Variants in HELQ observed in about 807,000 individuals in gnomAD.
HELQ encodes helicase, POLQ like, also known as helicase POLQ-like.
HELQ carries 77 observed loss-of-function variants against 111.6 expected under a neutral mutation model. The observed-to-expected ratio is 0.69, with a 90% CI of 0.57 to 0.83. The LOEUF is 0.83. Ranked by LOEUF, HELQ falls within the 40% of genes least tolerant of loss-of-function variation. The pLI is 0.00. For missense variants in HELQ, 1,200 were observed against 1,288.5 expected (o/e 0.93, Z 1.05); for synonymous variants, 438 against 454.7 (o/e 0.96, Z 0.47).
rs1046715029 is a variant in HELQ, at chr4:83,446,768, C to T, written c.1392+67G>A. 5 of 986,014 alleles carry T rather than the reference C, an allele frequency of 5.1e-6. No individual in the cohort carries two copies. The African/African-American group carries it at 8.3e-5, about 16-fold the overall frequency. The allele number at this position is 986,014 out of a possible 1,614,324, so 61.1% of individuals were successfully genotyped here. On this transcript the variant is annotated intron_variant, in intron 4 of 17. Coordinates refer to ENST00000295488, the MANE Select transcript of HELQ (RefSeq NM_133636.5). ...TACTAAGGTACTAAGTAGATCCACA[C>T]AATAACCAGAATAATAAATATTTAG...
In HELQ at chr4:83,444,516, G is replaced by A. The variant is rs142696490; in HGVS notation, c.1466-902C>T. ...CTTGCCCCAACCTCCCGAGTAGTTGGGACTATAGTTTTTGTTGATGTTGTT... is the reference window on the plus strand; with the variant it reads ...CTTGCCCCAACCTCCCGAGTAGTTGAGACTATAGTTTTTGTTGATGTTGTT... On this transcript the variant is annotated intron_variant, in intron 5 of 17. Transcript: ENST00000295488. Among the ~76,000 whole-genome samples the A allele has an allele frequency of 7.8e-3, 1,188 of 152,166 alleles. 4 individuals carry two copies. Among genetic ancestry groups the A allele is most frequent in the Middle Eastern group, 0.024 (7 of 294 alleles).
chr4:83,437,224 T>C (rs1405483200), intron 8 of HELQ, 127 bp from the exon 9 acceptor site: 4 of 868,458 alleles, frequency 4.6e-6, no homozygotes, highest in African/African-American at 3.4e-5. Context: ...GTTAAGTACA[T>C]TAAATGTTCT....
At chr4:83,433,437 G>C (rs973595504) in intron 9 of HELQ, among the ~76,000 whole-genome samples, 5 of 152,098 alleles carry the variant, frequency 3.3e-5, no homozygotes, top group African/African-American at 1.2e-4. Context: ...AGAGGCTGAG[G>C]GGGGCGGATC....
rs372656645 is a variant in HELQ at position 83,442,479 on chromosome 4, C to T, written c.1563+1038G>A. On this transcript the variant is annotated intron_variant, in intron 6 of 17. Transcript: ENST00000295488. Reference sequence around the variant, plus strand: ...AGGCTGGAGTGCAGTGGCGCAATCTCGGCTTGCTGCAACCTTCGCCCCACT... The same window carrying T: ...AGGCTGGAGTGCAGTGGCGCAATCTTGGCTTGCTGCAACCTTCGCCCCACT... Among the ~76,000 whole-genome samples the T allele has an allele frequency of 1.4e-4, 21 of 149,764 alleles. 1 individual carries two copies. Among genetic ancestry groups the T allele is most frequent in the Admixed American group, 8.6e-4 (13 of 15,180 alleles).
At chr4:83,435,211 T>C (rs1720384533) in intron 9 of HELQ, among the ~76,000 whole-genome samples, 1 of 152,168 alleles carries the variant, frequency 6.6e-6, no homozygotes, top group Non-Finnish European at 1.5e-5. Context: ...AGAGTTATTG[T>C]GAAGCTGTAT....
intron 17 of HELQ, among the ~76,000 whole-genome samples, chr4:83,413,791 G>A (rs1739225260): frequency 6.6e-6 from 1 of 152,208 alleles, no homozygotes; most frequent in African/African-American, 2.4e-5. Flanking sequence ...AAGCCACATG[G>A]AAAGGCCATA....
intron 2 of HELQ, among the ~76,000 whole-genome samples, chr4:83,451,319 C>T (rs1226385548): frequency 6.6e-6 from 1 of 151,984 alleles, no homozygotes; most frequent in Non-Finnish European, 1.5e-5. Flanking sequence ...TGACAATCCC[C>T]AGCAGTTGAG....
chr4:83,444,621 C>T (rs1409955084), intron 5 of HELQ, among the ~76,000 whole-genome samples: 1 of 152,162 alleles, frequency 6.6e-6, no homozygotes, highest in Non-Finnish European at 1.5e-5. Context: ...ATAGACTTAA[C>T]TATTGAATGA....
At chr4:83,409,132 T>C (rs900004364) in intron 17 of HELQ, among the ~76,000 whole-genome samples, 2 of 152,024 alleles carry the variant, frequency 1.3e-5, no homozygotes, top group African/African-American at 4.8e-5. Flanking sequence ...TAAAGAAAAA[T>C]ACTTTGCTAC....
rs769414643 is a variant in HELQ, at chr4:83,453,625, C to A, written c.618G>T (p.Leu206Phe). 2 of 1,613,070 alleles carry A rather than the reference C, an allele frequency of 1.2e-6. No individual in the cohort carries two copies. Among genetic ancestry groups the A allele is most frequent in the South Asian group, 2.2e-5 (2 of 91,064 alleles). The stretch of plus-strand genomic sequence containing the variant: ...CACCCAAATCATTTGAAGAGTTCTG[C>A]AAATTTTCAAAGTATATAGCCTGTG... ...PSSQAIYFEN[L>F]QNSSNDLGDH... Residue 206 changes from leucine to phenylalanine, a missense_variant, in exon 2 of 18, where the codon TTG (leucine) becomes TTT (phenylalanine). This residue lies in a region of HELQ where 610 missense variants were observed against 607.1 expected (regional missense o/e 1.00). Transcript: ENST00000295488.
intron 8 of HELQ, among the ~76,000 whole-genome samples, chr4:83,439,640 C>T (rs1199155382): frequency 6.6e-6 from 1 of 152,196 alleles, no homozygotes; most frequent in Non-Finnish European, 1.5e-5. Flanking sequence ...GGATTACAGG[C>T]ATGAGCCATG....
At chr4:83,422,359 T>G (rs1176002911) in intron 14 of HELQ, among the ~76,000 whole-genome samples, 1 of 152,232 alleles carries the variant, frequency 6.6e-6, no homozygotes, top group African/African-American at 2.4e-5. Flanking sequence ...TCCTAACCCC[T>G]GGTACCTGTG....
Position 83,455,708 on chromosome 4 carries a change from G to A in HELQ, c.-15C>T. On this transcript the variant is annotated 5_prime_UTR_variant, in exon 1 of 18. Coordinates refer to ENST00000295488, the MANE Select transcript of HELQ (RefSeq NM_133636.5). ...CATTCATCCATGGCAAGGACCCAGG[G>A]CCCTATTCAGACGTCGTTCTCAGTG... 2 of 1,594,662 alleles carry A rather than the reference G, an allele frequency of 1.3e-6. No individual in the cohort carries two copies. Among genetic ancestry groups the A allele is most frequent in the Non-Finnish European group, 1.7e-6 (2 of 1,177,376 alleles).
At chr4:83,450,896 G>A (rs1175508253) in intron 2 of HELQ, among the ~76,000 whole-genome samples, 1 of 152,142 alleles carries the variant, frequency 6.6e-6, no homozygotes, top group Admixed American at 6.5e-5. Context: ...AGCCTGGGAG[G>A]TTGACGCTGT....
At chr4:83,419,708 A>G (rs1238332742) in intron 15 of HELQ, among the ~76,000 whole-genome samples, 7 of 151,984 alleles carry the variant, frequency 4.6e-5, no homozygotes, top group Non-Finnish European at 1.5e-5. Context: ...CAACAAATAT[A>G]GAAGACTTAA....
chr4:83,453,591 T>C lies in HELQ; in HGVS notation c.652A>G (p.Met218Val), dbSNP rs774692414. The C allele has an allele frequency of 1.1e-5, 18 of 1,612,690 alleles. No homozygotes were observed. In the East Asian group the frequency reaches 1.6e-4, roughly 14 times the overall value. The change falls in exon 2 of 18, where the codon ATG becomes GTG. Residue 218 changes from methionine to valine, a missense_variant. Coordinates refer to ENST00000295488, the MANE Select transcript of HELQ (RefSeq NM_133636.5). ...NSSNDLGDHS[M>V]KERDWKSSSH... Reference sequence around the variant, plus strand: ...GATGACTTCCAATCCCTTTCTTTCATAGAATGATCACCCAAATCATTTGAA... The same window carrying C: ...GATGACTTCCAATCCCTTTCTTTCACAGAATGATCACCCAAATCATTTGAA...
chr4:83,415,186 G>A (rs1041330800), intron 17 of HELQ, among the ~76,000 whole-genome samples: 2 of 152,230 alleles, frequency 1.3e-5, no homozygotes, highest in African/African-American at 2.4e-5. Context: ...TTTACCCACA[G>A]GGAGCAGAAG....
At chr4:83,440,100 A>G (rs1005271571) in intron 7 of HELQ, 92 bp from the exon 8 acceptor site, 6 of 915,054 alleles carry the variant, frequency 6.6e-6, no homozygotes, top group Non-Finnish European at 1.0e-5. Flanking sequence ...TAAATAAACC[A>G]TCTATAATTC....
intron 2 of HELQ, 170 bp downstream of exon 2, chr4:83,453,061 G>C: frequency 1.8e-6 from 1 of 551,586 alleles, no homozygotes; most frequent in Admixed American, 3.5e-5. Flanking sequence ...AAGGAAAGAG[G>C]TTCAGTGGTA....
Sources: gnomAD v4.1 joint callset for allele counts (sites outside exome capture counted in the v4.1 genomes callset) on GRCh38, gnomAD v4.1.1 for gene constraint, gnomAD v4.1.1 regional missense constraint, MANE v1.5 for transcripts, NCBI Gene and HGNC (gene_info 2026-07-23, HGNC 2026-07-21) for gene names.